HYDIN: variants seen among roughly 807,000 people sequenced by gnomAD.
The protein encoded by HYDIN is axonemal central pair apparatus protein HYDIN.
HYDIN carries 132 observed loss-of-function variants against 403.9 expected under a neutral mutation model. That is an observed-to-expected ratio of 0.33 (90% CI 0.28 to 0.38). The LOEUF (loss-of-function observed/expected upper bound fraction) is 0.38, where lower values mean the gene tolerates loss of function less well. HYDIN is among the 10% of genes least tolerant of loss of function. The probability of loss-of-function intolerance (pLI) is 1.00; values close to 1 mark genes in which losing one functional copy is unlikely to be tolerated. For synonymous variants in HYDIN, 1,202 were observed against 1,891.7 expected, an observed-to-expected ratio of 0.64 and a Z score of 9.46; for missense variants, 2,827 against 5,009.5, an observed-to-expected ratio of 0.56 and a Z score of 13.15.
At chr16:70,927,056 G>A (rs1469007490) in intron 45 of HYDIN, among the ~76,000 whole-genome samples, 2 of 152,102 alleles carry the variant, frequency 1.3e-5, no homozygotes, top group Non-Finnish European at 1.5e-5. Context: ...GGAGAGGAGA[G>A]AAAGAATGGA....
At chr16:70,923,970 A>G (rs1480708629) in intron 45 of HYDIN, among the ~76,000 whole-genome samples, 1 of 152,140 alleles carries the variant, frequency 6.6e-6, no homozygotes, top group African/African-American at 2.4e-5. Flanking sequence ...AGAAAGGTAC[A>G]AATAAACAAC....
At chr16:71,035,808 T>C (rs936004452) in intron 18 of HYDIN, among the ~76,000 whole-genome samples, 14 of 152,188 alleles carry the variant, frequency 9.2e-5, no homozygotes, top group Non-Finnish European at 1.9e-4. Flanking sequence ...GATTCTGACA[T>C]ATTTAACTCT....
chr16:70,989,528 T>C (rs985307687), intron 25 of HYDIN, among the ~76,000 whole-genome samples: 2 of 152,140 alleles, frequency 1.3e-5, no homozygotes, highest in African/African-American at 2.4e-5. Context: ...TATATGTGTG[T>C]ATATATAGTG....
intron 66 of HYDIN, among the ~76,000 whole-genome samples, chr16:70,867,236 T>C (rs142545776): frequency 2.7e-5 from 4 of 148,818 alleles, no homozygotes; most frequent in African/African-American, 1.0e-4. Context: ...CTCAGCCTTA[T>C]TTGTGATCAG....
At chr16:71,205,990 G>A (rs11862627) in intron 1 of HYDIN, among the ~76,000 whole-genome samples, 6,029 of 152,242 alleles carry the variant, frequency 0.04, 439 homozygotes, top group African/African-American at 0.14. Context: ...TTCTAGCCCT[G>A]CAGCCCTATG....
intron 45 of HYDIN, among the ~76,000 whole-genome samples, chr16:70,922,185 C>T (rs886838529): frequency 6.6e-6 from 1 of 152,164 alleles, no homozygotes. Context: ...TCTCCATCTC[C>T]AACACAGCCT....
At chr16:70,967,730 C>G (rs1398503363) in intron 36 of HYDIN, among the ~76,000 whole-genome samples, 1 of 152,146 alleles carries the variant, frequency 6.6e-6, no homozygotes, top group African/African-American at 2.4e-5. Context: ...TTGTGATCCA[C>G]CCGCCTTGGC....
chr16:70,991,115 A>G (rs2079336827), intron 25 of HYDIN, among the ~76,000 whole-genome samples: 1 of 152,184 alleles, frequency 6.6e-6, no homozygotes, highest in Non-Finnish European at 1.5e-5. Context: ...TCCTCTATCT[A>G]GGGTGTAGGA....
At chr16:71,207,972 T>C (rs191254871) in intron 1 of HYDIN, among the ~76,000 whole-genome samples, 53 of 152,254 alleles carry the variant, frequency 3.5e-4, no homozygotes, top group Non-Finnish European at 7.2e-4. Flanking sequence ...ACAATAATAG[T>C]TGGAGATTTC....
intron 84 of HYDIN, among the ~76,000 whole-genome samples, chr16:70,817,930 T>C (rs60852456): frequency 0.034 from 5,191 of 152,040 alleles, 284 homozygotes; most frequent in African/African-American, 0.12. Flanking sequence ...TTAGTAGAGA[T>C]GGGGTTTCAC....
At chr16:70,937,850 GC>G (rs949559535) in intron 44 of HYDIN, among the ~76,000 whole-genome samples, 4 of 150,726 alleles carry the variant, frequency 2.7e-5, no homozygotes, top group African/African-American at 7.3e-5. Context: ...TAGAACCACT[GC>G]CCCCCACCCC....
At chr16:71,034,807 G>A (rs1466071327) in intron 18 of HYDIN, among the ~76,000 whole-genome samples, 1 of 150,998 alleles carries the variant, frequency 6.6e-6, no homozygotes, top group Non-Finnish European at 1.5e-5. Flanking sequence ...GGTATTAATG[G>A]AAACTATAGA....
At chr16:71,228,810 A>G (rs962835983) in intron 1 of HYDIN, among the ~76,000 whole-genome samples, 6 of 152,236 alleles carry the variant, frequency 3.9e-5, no homozygotes, top group African/African-American at 1.4e-4. Flanking sequence ...TACTGGGTAT[A>G]TGCCCAAAGG....
intron 23 of HYDIN, among the ~76,000 whole-genome samples, chr16:71,004,452 T>G (rs1430859127): frequency 6.6e-6 from 1 of 152,194 alleles, no homozygotes; most frequent in Non-Finnish European, 1.5e-5. Context: ...TCTACTGAAA[T>G]TTTTCCTGGA....
At position 71,213,805 on chromosome 16, in the gene HYDIN, T is replaced by C. The variant is rs558676148; in HGVS notation, c.-24+16757A>G. Among the ~76,000 whole-genome samples, 12 of 152,214 alleles carry C rather than the reference T, an allele frequency of 7.9e-5. No homozygotes were observed. In the East Asian group the frequency reaches 2.1e-3, roughly 27 times the overall value. ...CCAAACTAATAATGCATATCTACAATGTATAAAAATCTACAGCAGGCATAA... is the reference window on the plus strand; with the variant it reads ...CCAAACTAATAATGCATATCTACAACGTATAAAAATCTACAGCAGGCATAA... On this transcript the variant is annotated intron_variant, in intron 1 of 85. Coordinates refer to ENST00000393567, the MANE Select transcript of HYDIN (RefSeq NM_001270974.2).
chr16:70,954,139 G>A (rs373782567), intron 40 of HYDIN, among the ~76,000 whole-genome samples: 1,190 of 33,842 alleles, frequency 0.035, 119 homozygotes, highest in African/African-American at 0.15. Context: ...GATGGAGCCA[G>A]AATTCTCAAC....
At position 71,175,681 on chromosome 16, in the gene HYDIN, T is replaced by C. The variant is rs375410840; in HGVS notation, c.442A>G (p.Lys148Glu). Residue 148 changes from lysine to glutamate, a missense_variant, in exon 5 of 86, where the codon AAA becomes GAA. Physicochemically the swap from Lys to Glu is moderately conservative, Grantham distance 56 (BLOSUM62 1). Transcript: ENST00000393567. ...GGAGCCACTTTGTGGCCAATATCTT[T>C]GGGGCTGATTACTTTAAAGTAAGGC... is the stretch of plus-strand genomic sequence containing the variant. ...SSPYFKVISP[K>E]DIGHKVAPGV... The C allele has an allele frequency of 3.1e-5, 50 of 1,614,056 alleles. 1 individual carries two copies. Among genetic ancestry groups the C allele is most frequent in the East Asian group, 1.3e-4 (6 of 44,890 alleles).
At chr16:71,130,470 GTTTTTTTTTTTT>G (rs56853905) in intron 8 of HYDIN, among the ~76,000 whole-genome samples, 3 of 75,786 alleles carry the variant, frequency 4.0e-5, no homozygotes, top group East Asian at 4.9e-4. Flanking sequence ...ATATATACCG[GTTTTTTTTTTTT>G]TTTTTTTTTT....
rs2076611233 is a variant in HYDIN, at chr16:70,908,865, A to C, written c.8005-4T>G. On this transcript the variant is annotated splice_polypyrimidine_tract_variant and splice_region_variant and intron_variant, in intron 47 of 85. Coordinates refer to ENST00000393567, the MANE Select transcript of HYDIN (RefSeq NM_001270974.2). Reference sequence around the variant, plus strand: ...AGCTGGTCTGCTCCTCTTGAGCCTTAATTAAAAACGAGCATGAGGTCTTAA... The same window carrying C: ...AGCTGGTCTGCTCCTCTTGAGCCTTCATTAAAAACGAGCATGAGGTCTTAA... 5 of 1,609,918 alleles carry C rather than the reference A, an allele frequency of 3.1e-6. No homozygotes were observed. The highest frequency in any genetic ancestry group is 4.2e-6 in the Non-Finnish European group (5 of 1,178,996).
Sources: allele counts gnomAD v4.1 joint callset (sites outside exome capture counted in the v4.1 genomes callset), GRCh38; gene constraint gnomAD v4.1.1; transcripts MANE v1.5; gene names NCBI Gene and HGNC (gene_info 2026-07-23, HGNC 2026-07-21).